The following SF3B3 variants were observed in gnomAD, a reference collection of about 807,000 sequenced individuals.
SF3B3 encodes splicing factor 3b subunit 3.
In SF3B3, 33 loss-of-function variants were observed where a neutral mutation model predicts 139.2. That is an observed-to-expected ratio of 0.24 (90% CI 0.18 to 0.32). The LOEUF (loss-of-function observed/expected upper bound fraction) is 0.32. SF3B3 is among the 10% of genes least tolerant of loss of function. The probability of loss-of-function intolerance (pLI) is 1.00; values close to 1 mark genes in which losing one functional copy is unlikely to be tolerated. For missense variants in SF3B3, 818 were observed against 1,509.4 expected (o/e 0.54, Z 7.59); for synonymous variants, 596 against 563.6 (o/e 1.06, Z -0.81).
At chr16:70,553,599 G>A (rs1192219361) in intron 11 of SF3B3, among the ~76,000 whole-genome samples, 4 of 152,068 alleles carry the variant, frequency 2.6e-5, no homozygotes, top group Non-Finnish European at 5.9e-5. Context: ...CAAGCTTTAC[G>A]CCAAACGTAC....
chr16:70,568,574 G>A, intron 22 of SF3B3, 79 bp downstream of exon 22: 1 of 1,123,104 alleles, frequency 8.9e-7, no homozygotes, highest in African/African-American at 1.5e-5. Context: ...AGCCAAGGAG[G>A]AATCAAATCT....
chr16:70,546,061 C>T (rs1335178385), intron 10 of SF3B3, among the ~76,000 whole-genome samples: 1 of 152,190 alleles, frequency 6.6e-6, no homozygotes, highest in Non-Finnish European at 1.5e-5. Context: ...CGCCCAGTCT[C>T]AAGCAAGCAA....
At position 70,538,343 on chromosome 16, in the gene SF3B3, A is replaced by G; in HGVS notation, c.846A>G (p.Glu282=). Residue 282 remains glutamate (E), a synonymous_variant, in exon 7 of 26, where the codon GAA becomes GAG. Coordinates refer to ENST00000302516, the MANE Select transcript of SF3B3 (RefSeq NM_012426.5). The part of the protein sequence containing the change: ...PRRRNDLDDP[E]RGMIFVCSAT... ...GCTAGAATGACCTGGATGACCCTGA[A>G]AGAGGAATGATTTTTGTCTGCTCTG... The G allele has an allele frequency of 6.2e-7, 1 of 1,614,022 alleles. No homozygotes were observed. Among genetic ancestry groups the G allele is most frequent in the Non-Finnish European group, 8.5e-7 (1 of 1,179,924 alleles).
At chr16:70,569,796 T>G in intron 23 of SF3B3, 4 of 517,582 alleles carry the variant, frequency 7.7e-6, no homozygotes, top group Non-Finnish European at 1.0e-5. Flanking sequence ...ACCTGGCAGA[T>G]TTTGTGGGTA....
intron 9 of SF3B3, among the ~76,000 whole-genome samples, chr16:70,542,105 T>G (rs1050533440): frequency 2.0e-5 from 3 of 152,138 alleles, no homozygotes; most frequent in Admixed American, 2.0e-4. Context: ...GAAGTAAAAG[T>G]CCTCCCCGTA....
At chr16:70,524,919 C>T (rs1254436966) in intron 1 of SF3B3, 2 of 152,266 alleles carry the variant, frequency 1.3e-5, no homozygotes, top group African/African-American at 2.4e-5. Flanking sequence ...TGACCTTGAT[C>T]CACCCGCCTT....
At chr16:70,553,697 C>CTT (rs34121713) in intron 11 of SF3B3, among the ~76,000 whole-genome samples, 72,592 of 151,788 alleles carry the variant, frequency 0.48, 17,803 homozygotes, top group South Asian at 0.66. Flanking sequence ...GTAGAAGAAA[C>CTT]TGAGGGTTTC....
At chr16:70,533,187 C>T (rs1341407056) in intron 5 of SF3B3, among the ~76,000 whole-genome samples, 1 of 152,058 alleles carries the variant, frequency 6.6e-6, no homozygotes, top group East Asian at 1.9e-4. Flanking sequence ...TATATGTATT[C>T]CGTTTTAAAA....
chr16:70,527,706 G>A (rs1482128873), intron 2 of SF3B3, among the ~76,000 whole-genome samples: 2 of 152,156 alleles, frequency 1.3e-5, no homozygotes, highest in Admixed American at 1.3e-4. Context: ...GCTGGAGTTT[G>A]GATAGAATTT....
intron 10 of SF3B3, among the ~76,000 whole-genome samples, chr16:70,548,073 C>T (rs1034208618): frequency 6.6e-6 from 1 of 152,200 alleles, no homozygotes; most frequent in Admixed American, 6.5e-5. Context: ...CCAGTGGTTA[C>T]TGCTGTTCTG....
chr16:70,532,156 G>A (rs572048205), intron 4 of SF3B3, among the ~76,000 whole-genome samples: 5 of 152,228 alleles, frequency 3.3e-5, no homozygotes, highest in Non-Finnish European at 1.5e-5. Context: ...GCCAGGCGTG[G>A]TGGCACATGC....
chr16:70,533,020 A>C (rs1431747793), intron 5 of SF3B3, among the ~76,000 whole-genome samples: 2 of 152,228 alleles, frequency 1.3e-5, no homozygotes, highest in East Asian at 3.8e-4. Flanking sequence ...ACAAAATAGA[A>C]ATATTTTTGA....
chr16:70,557,045 G>A lies in SF3B3; in HGVS notation c.2010+16G>A. On this transcript the variant is annotated intron_variant, in intron 15 of 25. Transcript: ENST00000302516. ...TGGGCTACAGGTAAGAGATCCAGAGGCCCACATTGTGGACATTAGGCCTTC... is the reference window on the plus strand; with the variant it reads ...TGGGCTACAGGTAAGAGATCCAGAGACCCACATTGTGGACATTAGGCCTTC... The A allele has an allele frequency of 6.3e-7, 1 of 1,590,472 alleles. No individual in the cohort carries two copies. The highest frequency in any genetic ancestry group is 8.5e-7 in the Non-Finnish European group (1 of 1,171,086).
Position 70,539,190 on chromosome 16 carries a change from A to G in SF3B3, c.1050A>G (p.Ala350=). ...CVLKTGFLFV[A]SEFGNHYLYQ... ...TTAAAACAGGGTTCCTTTTTGTAGC[A>G]TCAGAATTTGGAAACCAGTGAGTAA... The change falls in exon 8 of 26, where the codon GCA becomes GCG. Residue 350 remains alanine, a synonymous_variant. Transcript: ENST00000302516. 5 of 1,613,192 alleles carry G rather than the reference A, an allele frequency of 3.1e-6. No individual in the cohort carries two copies. Among genetic ancestry groups the G allele is most frequent in the Non-Finnish European group, 4.2e-6 (5 of 1,179,132 alleles).
At chr16:70,525,646 C>T (rs994811927) in intron 1 of SF3B3, among the ~76,000 whole-genome samples, 5 of 151,976 alleles carry the variant, frequency 3.3e-5, no homozygotes, top group African/African-American at 1.2e-4. Flanking sequence ...TCATGTTTTA[C>T]TGTGGTCCTA....
intron 6 of SF3B3, among the ~76,000 whole-genome samples, chr16:70,535,978 GC>G (rs1189130938): frequency 6.6e-6 from 1 of 151,798 alleles, no homozygotes; most frequent in African/African-American, 2.4e-5. Context: ...TAAGATAATG[GC>G]TCCCGAGAAC....
chr16:70,546,160 A>G (rs1032178949), intron 10 of SF3B3, among the ~76,000 whole-genome samples: 4 of 152,128 alleles, frequency 2.6e-5, no homozygotes, highest in African/African-American at 7.2e-5. Context: ...TGGTAGAGAC[A>G]GGGTCTTGCT....
intron 10 of SF3B3, among the ~76,000 whole-genome samples, chr16:70,547,716 C>T (rs2050282166): frequency 6.6e-6 from 1 of 152,242 alleles, no homozygotes; most frequent in Non-Finnish European, 1.5e-5. Context: ...GCCTCAGCCT[C>T]CCGAGTAGCT....
intron 11 of SF3B3, chr16:70,550,594 G>C: frequency 6.5e-6 from 6 of 924,958 alleles, no homozygotes; most frequent in Non-Finnish European, 7.7e-6. Context: ...TACTAACCTT[G>C]GCTGGTACTT....
Sources: gnomAD v4.1 joint callset for allele counts (sites outside exome capture counted in the v4.1 genomes callset) on GRCh38, gnomAD v4.1.1 for gene constraint, MANE v1.5 for transcripts, NCBI Gene and HGNC (gene_info 2026-07-23, HGNC 2026-07-21) for gene names.